GGNBP2: variants seen among roughly 807,000 people sequenced by gnomAD.
GGNBP2 encodes the protein gametogenetin-binding protein 2.
GGNBP2 carries 10 observed loss-of-function variants against 85.9 expected under a neutral mutation model. The ratio of observed to expected loss-of-function variants is 0.12; its 90% CI spans 0.07 to 0.20. The LOEUF is 0.20. GGNBP2 is among the 10% of genes least tolerant of loss of function. GGNBP2 has a pLI of 1.00. For missense variants in GGNBP2, 595 were observed against 857.8 expected, an observed-to-expected ratio of 0.69 and a Z score of 3.83; for synonymous variants, 287 against 285.7, an observed-to-expected ratio of 1.00 and a Z score of -0.05.
At chr17:36,569,148 A>G (rs917784740) in intron 6 of GGNBP2, among the ~76,000 whole-genome samples, 2 of 152,130 alleles carry the variant, frequency 1.3e-5, no homozygotes, top group Admixed American at 6.5e-5. Context: ...GCGGTGGCTC[A>G]CGTCTGTAAT....
intron 9 of GGNBP2, chr17:36,582,046 T>G (rs1332791702): frequency 6.6e-6 from 1 of 152,150 alleles, no homozygotes; most frequent in African/African-American, 2.4e-5. Context: ...CCCAGCTAAT[T>G]TTTTGTATTT....
At chr17:36,579,880 G>A (rs544287705) in intron 8 of GGNBP2, among the ~76,000 whole-genome samples, 11 of 152,096 alleles carry the variant, frequency 7.2e-5, no homozygotes, top group Non-Finnish European at 1.0e-4. Context: ...GCGTGGTGGC[G>A]GGCACCTGTA....
chr17:36,566,540 G>T (rs2074470553), intron 5 of GGNBP2, among the ~76,000 whole-genome samples: 1 of 151,896 alleles, frequency 6.6e-6, no homozygotes, highest in Non-Finnish European at 1.5e-5. Context: ...ATAACCTGGT[G>T]TGGTGGTACA....
chr17:36,547,392 GATT>G (rs1455890921), intron 2 of GGNBP2: 2 of 152,054 alleles, frequency 1.3e-5, no homozygotes, highest in African/African-American at 2.4e-5. Context: ...TTGGATATAA[GATT>G]ATTATTTAAT....
At chr17:36,552,654 C>T (rs999947504) in intron 2 of GGNBP2, among the ~76,000 whole-genome samples, 1 of 152,082 alleles carries the variant, frequency 6.6e-6, no homozygotes, top group East Asian at 1.9e-4. Context: ...GTTGATAAAC[C>T]TGAAAATTGG....
intron 5 of GGNBP2, among the ~76,000 whole-genome samples, chr17:36,561,824 C>T (rs1400462038): frequency 1.3e-5 from 2 of 152,020 alleles, no homozygotes; most frequent in Non-Finnish European, 2.9e-5. Context: ...AGGGTTTCAC[C>T]GTGTTAGCCA....
rs762908587 is a variant in GGNBP2 at position 36,578,028 on chromosome 17, C to A, written c.687C>A (p.Ile229=). ...CKNKVLRAYN[I]LIGELDCSKE... ...ATAAAGTCCTCCGAGCATACAATAT[C>A]CTTATTGGTGAACTTGACTGCAGCA... is the stretch of plus-strand genomic sequence containing the variant. The change falls in exon 7 of 14, where the codon ATC becomes ATA. Residue 229 remains isoleucine, a synonymous_variant. Coordinates refer to ENST00000613102, the MANE Select transcript of GGNBP2 (RefSeq NM_024835.5). The A allele has an allele frequency of 6.2e-7, 1 of 1,614,076 alleles. No individual in the cohort carries two copies. The highest frequency in any genetic ancestry group is 2.2e-5 in the East Asian group (1 of 44,886).
At chr17:36,557,956 A>G (rs1041946015) in intron 4 of GGNBP2, among the ~76,000 whole-genome samples, 2 of 152,020 alleles carry the variant, frequency 1.3e-5, no homozygotes, top group African/African-American at 4.8e-5. Context: ...TACTAAAAAT[A>G]CAAAAATTAG....
intron 2 of GGNBP2, among the ~76,000 whole-genome samples, chr17:36,549,733 T>G (rs567368946): frequency 1.3e-5 from 2 of 152,336 alleles, no homozygotes; most frequent in African/African-American, 4.8e-5. Context: ...TATTCCGTTG[T>G]ATGACATTCT....
intron 2 of GGNBP2, among the ~76,000 whole-genome samples, chr17:36,550,179 C>A (rs1021139156): frequency 6.6e-6 from 1 of 152,186 alleles, no homozygotes; most frequent in African/African-American, 2.4e-5. Context: ...CTCAAGTGAT[C>A]TGCCTGCCTC....
chr17:36,586,440 A>T (rs1106907), intron 12 of GGNBP2: 202,840 of 502,644 alleles, frequency 0.4, 42,250 homozygotes, highest in Non-Finnish European at 0.45. Flanking sequence ...TACTTTTAAA[A>T]TTATAAGCTG....
intron 9 of GGNBP2, among the ~76,000 whole-genome samples, chr17:36,584,743 G>A (rs1217091398): frequency 2.0e-5 from 3 of 152,164 alleles, no homozygotes; most frequent in Admixed American, 1.3e-4. Flanking sequence ...AAGGCCAGGA[G>A]TTCAAGAGTT....
intron 6 of GGNBP2, chr17:36,574,784 C>T: frequency 3.1e-6 from 2 of 649,536 alleles, no homozygotes; most frequent in Admixed American, 2.3e-5. Flanking sequence ...GCCGTGGTGG[C>T]CTGTCGGCTT....
intron 6 of GGNBP2, among the ~76,000 whole-genome samples, chr17:36,570,809 C>T (rs1421868327): frequency 1.3e-5 from 2 of 151,856 alleles, no homozygotes; most frequent in Non-Finnish European, 2.9e-5. Flanking sequence ...TCACATGAGG[C>T]CAGGAGTTTG....
At chr17:36,587,576 T>G (rs2142794108) in intron 13 of GGNBP2, 2 of 249,906 alleles carry the variant, frequency 8.0e-6, no homozygotes, top group South Asian at 1.3e-4. Flanking sequence ...ATAAACCCTT[T>G]GTAAAGTTAA....
chr17:36,558,477 C>T (rs578065344), intron 4 of GGNBP2, among the ~76,000 whole-genome samples: 3 of 138,302 alleles, frequency 2.2e-5, no homozygotes, highest in South Asian at 4.7e-4. Flanking sequence ...TTTTTTCAGA[C>T]AGAGTTTCAC....
At chr17:36,547,854 T>A (rs1038879168) in intron 2 of GGNBP2, 1 of 152,244 alleles carries the variant, frequency 6.6e-6, no homozygotes. Context: ...TGCTGGGACT[T>A]CTGCACAGTC....
chr17:36,550,196 C>T (rs2074295644), intron 2 of GGNBP2, among the ~76,000 whole-genome samples: 1 of 152,152 alleles, frequency 6.6e-6, no homozygotes, highest in Admixed American at 6.5e-5. Context: ...CCTCGGCCTC[C>T]CAAAGTGGTG....
chr17:36,549,312 C>T (rs2074286358), intron 2 of GGNBP2, among the ~76,000 whole-genome samples: 1 of 152,004 alleles, frequency 6.6e-6, no homozygotes, highest in Non-Finnish European at 1.5e-5. Flanking sequence ...AAGTGATTCT[C>T]CTGCCTCAGC....
Sources: gnomAD v4.1 joint callset for allele counts (sites outside exome capture counted in the v4.1 genomes callset) on GRCh38, gnomAD v4.1.1 for gene constraint, MANE v1.5 for transcripts, NCBI Gene and HGNC (gene_info 2026-07-23, HGNC 2026-07-21) for gene names.